Variants in GRM5 observed in about 807,000 individuals in gnomAD.
GRM5 encodes the protein glutamate metabotropic receptor 5, also known as metabotropic glutamate receptor 5.
In GRM5, 19 loss-of-function variants were observed where a neutral mutation model predicts 83.1. The observed-to-expected ratio is 0.23, with a 90% CI of 0.16 to 0.34. The LOEUF is 0.34. Ranked by LOEUF, GRM5 falls within the 10% of genes least tolerant of loss-of-function variation. The pLI is 1.00. For synonymous variants in GRM5, 675 were observed against 633.6 expected, an observed-to-expected ratio of 1.07 and a Z score of -0.98; for missense variants, 1,160 against 1,588.3, an observed-to-expected ratio of 0.73 and a Z score of 4.58.
At chr11:88,824,612 C>G (rs900739460) in intron 3 of GRM5, among the ~76,000 whole-genome samples, 5 of 152,108 alleles carry the variant, frequency 3.3e-5, no homozygotes, top group African/African-American at 1.2e-4. Context: ...TTTCTTGCAT[C>G]TAGAGTTAAT....
chr11:88,695,365 G>C (rs1940876889), intron 3 of GRM5, among the ~76,000 whole-genome samples: 2 of 152,276 alleles, frequency 1.3e-5, no homozygotes, highest in South Asian at 4.1e-4. Flanking sequence ...ATATAGTGGA[G>C]CTGTCCTACT....
chr11:88,788,560 C>T (rs1008143342), intron 3 of GRM5, among the ~76,000 whole-genome samples: 93 of 152,214 alleles, frequency 6.1e-4, no homozygotes, highest in African/African-American at 2.0e-3. Flanking sequence ...TTTCACATGA[C>T]ATCTCTTCTA....
At chr11:88,716,263 A>G (rs1016946330) in intron 3 of GRM5, among the ~76,000 whole-genome samples, 1 of 151,892 alleles carries the variant, frequency 6.6e-6, no homozygotes, top group African/African-American at 2.4e-5. Context: ...TGAAAAGTAC[A>G]AAAGAGTAGG....
At chr11:88,575,119 C>G (rs916719294) in intron 7 of GRM5, among the ~76,000 whole-genome samples, 3 of 151,266 alleles carry the variant, frequency 2.0e-5, no homozygotes, top group African/African-American at 7.3e-5. Context: ...ATTGCTTTCT[C>G]CAATAAAAAG....
At chr11:89,042,485 G>A (rs541128049) in intron 2 of GRM5, among the ~76,000 whole-genome samples, 2 of 152,198 alleles carry the variant, frequency 1.3e-5, no homozygotes, top group East Asian at 3.9e-4. Flanking sequence ...TTAAATGCTG[G>A]CCTGAGACAC....
intron 3 of GRM5, among the ~76,000 whole-genome samples, chr11:88,771,913 T>C (rs190006271): frequency 6.6e-6 from 1 of 152,134 alleles, no homozygotes; most frequent in African/African-American, 2.4e-5. Context: ...TCCCTCACTA[T>C]GGTTTTGTCT....
At chr11:88,518,584 A>C (rs1418018469) in intron 9 of GRM5, among the ~76,000 whole-genome samples, 1 of 152,042 alleles carries the variant, frequency 6.6e-6, no homozygotes, top group African/African-American at 2.4e-5. Flanking sequence ...TCAATTTTTT[A>C]TGTAACTATT....
intron 3 of GRM5, among the ~76,000 whole-genome samples, chr11:88,667,579 G>T (rs1940075826): frequency 6.6e-6 from 1 of 151,992 alleles, no homozygotes; most frequent in Non-Finnish European, 1.5e-5. Flanking sequence ...ATGGAGAATT[G>T]CTTAAAAAAA....
intron 3 of GRM5, among the ~76,000 whole-genome samples, chr11:88,666,546 C>G (rs1940049134): frequency 6.6e-6 from 1 of 152,206 alleles, no homozygotes; most frequent in Non-Finnish European, 1.5e-5. Flanking sequence ...CAAACATCTC[C>G]CACTAGGCCC....
intron 2 of GRM5, among the ~76,000 whole-genome samples, chr11:88,976,626 C>T (rs2135014812): frequency 6.6e-6 from 1 of 152,024 alleles, no homozygotes; most frequent in South Asian, 2.1e-4. Flanking sequence ...GTTGATGATG[C>T]TGAGTTTTTC....
chr11:88,760,104 C>T (rs1942480510), intron 3 of GRM5, among the ~76,000 whole-genome samples: 1 of 151,990 alleles, frequency 6.6e-6, no homozygotes, highest in South Asian at 2.1e-4. Flanking sequence ...GCACTAAATA[C>T]CCACATCAAA....
intron 8 of GRM5, among the ~76,000 whole-genome samples, chr11:88,531,812 C>T (rs886800719): frequency 3.9e-5 from 6 of 151,952 alleles, no homozygotes; most frequent in African/African-American, 1.2e-4. Flanking sequence ...ATAAAATTGT[C>T]TTAAAAAATA....
At chr11:88,564,244 C>T (rs1942823172) in intron 8 of GRM5, among the ~76,000 whole-genome samples, 1 of 152,138 alleles carries the variant, frequency 6.6e-6, no homozygotes, top group African/African-American at 2.4e-5. Flanking sequence ...TCTCTTTACC[C>T]TCTTTCAGAT....
chr11:88,727,373 C>G (rs1321438131), intron 3 of GRM5, among the ~76,000 whole-genome samples: 3 of 152,088 alleles, frequency 2.0e-5, no homozygotes, highest in Non-Finnish European at 2.9e-5. Flanking sequence ...ACAGGAGCAC[C>G]CAGATTCATA....
chr11:88,884,437 C>T (rs1381003772), intron 2 of GRM5, among the ~76,000 whole-genome samples: 4 of 152,108 alleles, frequency 2.6e-5, no homozygotes, highest in Non-Finnish European at 5.9e-5. Flanking sequence ...TTTACAGGCT[C>T]ATAGGAGGAA....
chr11:88,543,145 G>A (rs1453475090), intron 8 of GRM5, among the ~76,000 whole-genome samples: 6 of 152,164 alleles, frequency 3.9e-5, no homozygotes, highest in African/African-American at 1.2e-4. Flanking sequence ...ATGCCGTGGT[G>A]TAATTTGAAC....
intron 3 of GRM5, among the ~76,000 whole-genome samples, chr11:88,750,466 T>C (rs939392434): frequency 1.3e-5 from 2 of 152,158 alleles, no homozygotes; most frequent in African/African-American, 4.8e-5. Context: ...CCAAAGAGAC[T>C]TAGACTCCCA....
intron 3 of GRM5, among the ~76,000 whole-genome samples, chr11:88,849,156 T>TAC (rs967098310): frequency 3.3e-5 from 5 of 151,832 alleles, no homozygotes; most frequent in Non-Finnish European, 7.4e-5. Context: ...TATATATATA[T>TAC]ACACACACAC....
chr11:88,657,492 A>G (rs1939791937), intron 3 of GRM5, among the ~76,000 whole-genome samples: 1 of 152,160 alleles, frequency 6.6e-6, no homozygotes, highest in South Asian at 2.1e-4. Context: ...AGATACTTAG[A>G]TCCTTTAAAT....
Sources: allele counts gnomAD v4.1 joint callset (sites outside exome capture counted in the v4.1 genomes callset), GRCh38; gene constraint gnomAD v4.1.1; transcripts MANE v1.5; gene names NCBI Gene and HGNC (gene_info 2026-07-23, HGNC 2026-07-21).